ENTHD1: variants seen among roughly 807,000 people sequenced by gnomAD.
ENTHD1 encodes the protein ENTH domain-containing protein 1.
A neutral mutation model predicts 39.1 loss-of-function variants in ENTHD1; 23 were observed. That is an observed-to-expected ratio of 0.59 (90% CI 0.42 to 0.83). The LOEUF (loss-of-function observed/expected upper bound fraction) is 0.83. ENTHD1 is among the 40% of genes least tolerant of loss of function. ENTHD1 has a pLI of 0.00. For missense variants in ENTHD1, 624 were observed against 705.4 expected (o/e 0.88, Z 1.31); for synonymous variants, 230 against 258.2 (o/e 0.89, Z 1.05).
At chr22:39,858,291 G>T (rs1601647398) in intron 3 of ENTHD1, among the ~76,000 whole-genome samples, 1 of 152,188 alleles carries the variant, frequency 6.6e-6, no homozygotes, top group Admixed American at 6.5e-5. Context: ...GTTCAAGTTT[G>T]ATCATGAGAT....
chr22:39,843,729 T>C (rs893792998), intron 3 of ENTHD1, among the ~76,000 whole-genome samples: 5 of 152,184 alleles, frequency 3.3e-5, no homozygotes, highest in African/African-American at 9.7e-5. Flanking sequence ...CTGATCCTTA[T>C]AGGAGCTTTG....
chr22:39,761,888 A>G (rs1279000244), intron 6 of ENTHD1, among the ~76,000 whole-genome samples: 1 of 152,114 alleles, frequency 6.6e-6, no homozygotes. Flanking sequence ...TTGTCTGCTA[A>G]TTGCAACACC....
At chr22:39,887,970 C>T (rs1601672793) in intron 1 of ENTHD1, 67 bp from the exon 2 acceptor site, 1 of 431,658 alleles carries the variant, frequency 2.3e-6, no homozygotes, top group East Asian at 3.5e-5. Flanking sequence ...CCAAATCAAT[C>T]TGAAAATCTA....
intron 5 of ENTHD1, among the ~76,000 whole-genome samples, chr22:39,787,048 T>C (rs1366545513): frequency 7.0e-6 from 1 of 142,036 alleles, no homozygotes; most frequent in East Asian, 2.0e-4. Flanking sequence ...TGTCACTTCA[T>C]GTCTCTGTCA....
chr22:39,753,219 T>C (rs896806880), intron 6 of ENTHD1, among the ~76,000 whole-genome samples: 2 of 152,230 alleles, frequency 1.3e-5, no homozygotes, highest in African/African-American at 4.8e-5. Flanking sequence ...ATACTTACTA[T>C]AAATGTGGCT....
In ENTHD1 at chr22:39,753,944, A is replaced by T. The variant is rs577035140; in HGVS notation, c.1220-9661T>A. On this transcript the variant is annotated intron_variant, in intron 6 of 6. Coordinates refer to ENST00000325157, the MANE Select transcript of ENTHD1 (RefSeq NM_152512.4). ...CCTCTTATTTTCTCCCACTCTATCA[A>T]CGCCTGCCTGGCTTTGCTTCCTTTC... Among the ~76,000 whole-genome samples, 52 of 152,242 alleles carry T rather than the reference A, an allele frequency of 3.4e-4. No individual in the cohort carries two copies. The South Asian group carries it at 0.01, about 30-fold the overall frequency.
chr22:39,883,618 T>C (rs2066357043), intron 2 of ENTHD1, among the ~76,000 whole-genome samples: 1 of 152,054 alleles, frequency 6.6e-6, no homozygotes, highest in South Asian at 2.1e-4. Flanking sequence ...AAACTATTTG[T>C]ATATGACAGG....
At chr22:39,840,126 G>C (rs769743554) in intron 3 of ENTHD1, among the ~76,000 whole-genome samples, 1 of 152,192 alleles carries the variant, frequency 6.6e-6, no homozygotes, top group Non-Finnish European at 1.5e-5. Flanking sequence ...TAGTTCCTTA[G>C]TGGAAATGAG....
At chr22:39,886,567 AAG>A (rs2066380818) in intron 2 of ENTHD1, among the ~76,000 whole-genome samples, 1 of 152,188 alleles carries the variant, frequency 6.6e-6, no homozygotes, top group Non-Finnish European at 1.5e-5. Flanking sequence ...CCCTTAAAAA[AAG>A]GTCTATTTTT....
At chr22:39,887,094 C>T (rs769587218) in intron 2 of ENTHD1, among the ~76,000 whole-genome samples, 1 of 152,048 alleles carries the variant, frequency 6.6e-6, no homozygotes, top group African/African-American at 2.4e-5. Context: ...AAACTATAAC[C>T]GTCCCAGAGG....
At chr22:39,885,544 T>A (rs1031779669) in intron 2 of ENTHD1, among the ~76,000 whole-genome samples, 1 of 152,118 alleles carries the variant, frequency 6.6e-6, no homozygotes, top group Admixed American at 6.5e-5. Context: ...ATACTTACAC[T>A]CCCATGTTCA....
At chr22:39,789,130 G>C (rs183568035) in intron 5 of ENTHD1, among the ~76,000 whole-genome samples, 1 of 152,228 alleles carries the variant, frequency 6.6e-6, no homozygotes. Flanking sequence ...TCTACTGATG[G>C]ACAGCTAGAC....
rs73888190 is a variant in ENTHD1 at position 39,865,450 on chromosome 22, A to G, written c.350-3443T>C. On this transcript the variant is annotated intron_variant, in intron 2 of 6. Coordinates refer to ENST00000325157, the MANE Select transcript of ENTHD1 (RefSeq NM_152512.4). ...TGAGAAAATCTAAGAAGAACGTAAT[A>G]AACCTGCTTCAAGGATGAGTTAAAT... is the stretch of plus-strand genomic sequence containing the variant. Among the ~76,000 whole-genome samples, 1,128 of 152,312 alleles carry G rather than the reference A, an allele frequency of 7.4e-3. 16 individuals carry two copies. Among genetic ancestry groups the G allele is most frequent in the African/African-American group, 0.026 (1,080 of 41,564 alleles).
chr22:39,816,876 CAGAG>C (rs922220377), intron 5 of ENTHD1, among the ~76,000 whole-genome samples: 7 of 150,438 alleles, frequency 4.7e-5, no homozygotes, highest in Non-Finnish European at 7.4e-5. Context: ...ACATAAATAG[CAGAG>C]AAAGAATCAG....
intron 6 of ENTHD1, among the ~76,000 whole-genome samples, chr22:39,744,871 A>G (rs1204187300): frequency 6.6e-6 from 1 of 152,186 alleles, no homozygotes; most frequent in African/African-American, 2.4e-5. Context: ...TCTCACCAAG[A>G]AACTAAGTGA....
Position 39,868,554 on chromosome 22 carries a change from C to T in ENTHD1, c.350-6547G>A, listed in dbSNP as rs548148838. ...AAAAGCTAGAAAACACCACGCTGGA[C>T]ATTGAACTTGGGAAATAATTTATGA... On this transcript the variant is annotated intron_variant, in intron 2 of 6. Transcript: ENST00000325157. Among the ~76,000 whole-genome samples, 22 of 152,262 alleles carry T rather than the reference C, an allele frequency of 1.4e-4. No individual in the cohort carries two copies. The South Asian group carries it at 3.7e-3, about 26-fold the overall frequency.
intron 6 of ENTHD1, among the ~76,000 whole-genome samples, chr22:39,748,577 C>T (rs887692279): frequency 1.5e-4 from 23 of 150,270 alleles, no homozygotes; most frequent in African/African-American, 4.4e-4. Flanking sequence ...CCCGTCACCA[C>T]GCCCGGCTAT....
In ENTHD1 at chr22:39,765,421, C is replaced by A. The variant is rs1456195323; in HGVS notation, c.1021G>T (p.Glu341Ter). ...ILPACWSSKE[E>*]FISPDLRVSK... The stretch of plus-strand genomic sequence containing the variant: ...ACCCTTAAGTCGGGGCTGATAAACT[C>A]CTCTTTACTTGACCAACATGCTGGT... The change falls in exon 6 of 7, where the codon GAG becomes TAG. Residue 341 changes from glutamate to a stop codon, truncating the protein, a stop_gained. Transcript: ENST00000325157. LOFTEE classifies it high-confidence loss of function. The A allele has an allele frequency of 6.2e-7, 1 of 1,613,926 alleles. No individual in the cohort carries two copies.
chr22:39,785,729 C>T (rs909820226), intron 5 of ENTHD1, among the ~76,000 whole-genome samples: 2 of 152,134 alleles, frequency 1.3e-5, no homozygotes, highest in African/African-American at 4.8e-5. Context: ...CAACTTATTC[C>T]GACCCCCTCC....
Sources: allele counts gnomAD v4.1 joint callset (sites outside exome capture counted in the v4.1 genomes callset), GRCh38; gene constraint gnomAD v4.1.1; transcripts MANE v1.5; gene names NCBI Gene and HGNC (gene_info 2026-07-23, HGNC 2026-07-21).